CD300C: variants seen among roughly 807,000 people sequenced by gnomAD.
CD300C encodes CD300c molecule.
In CD300C, 11 loss-of-function variants were observed where a neutral mutation model predicts 18.4. The observed-to-expected ratio is 0.60, with a 90% CI of 0.38 to 0.99. CD300C has a LOEUF of 0.99. Ranked by LOEUF, CD300C falls within the 50% of genes least tolerant of loss-of-function variation. The pLI, the probability that CD300C is intolerant of heterozygous loss-of-function variation, is 0.01. For synonymous variants in CD300C, 116 were observed against 116.3 expected (o/e 1.00, Z 0.02); for missense variants, 277 against 287.4 (o/e 0.96, Z 0.26).
chr17:74,545,878 T>C lies in CD300C; in HGVS notation c.-96A>G, dbSNP rs1174219820. ...CAGATCTGAGCTTCGCTTCTGCTTT[T>C]CTTCTGCTCTCTGCTTCCTTGTCCA... On this transcript the variant is annotated 5_prime_UTR_variant, in exon 1 of 4. Coordinates refer to ENST00000330793, the MANE Select transcript of CD300C (RefSeq NM_006678.5). 9 of 986,550 alleles carry C rather than the reference T, an allele frequency of 9.1e-6. No individual in the cohort carries two copies. Among genetic ancestry groups the C allele is most frequent in the Non-Finnish European group, 1.4e-5 (9 of 644,992 alleles). 61.1% of individuals were successfully genotyped at this position (986,550 alleles called of 1,614,324 possible).
intron 3 of CD300C, among the ~76,000 whole-genome samples, chr17:74,542,184 T>C (rs183633192): frequency 6.6e-6 from 1 of 152,284 alleles, no homozygotes; most frequent in Non-Finnish European, 1.5e-5. Flanking sequence ...TAATCTGCCC[T>C]ACAACTTCAG....
chr17:74,545,544 G>C (rs1429257172), intron 1 of CD300C, among the ~76,000 whole-genome samples, 178 bp downstream of exon 1: 1 of 152,144 alleles, frequency 6.6e-6, no homozygotes, highest in Non-Finnish European at 1.5e-5. Context: ...CCCGTGCTGT[G>C]CCCTGCCGCC....
In CD300C at chr17:74,544,947, C is replaced by T. The variant is rs1908702434; in HGVS notation, c.62G>A (p.Gly21Asp). ...SSALLLLLVP[G>D]YFPLSHPMTV... The stretch of plus-strand genomic sequence containing the variant: ...CATGGGGTGGCTCAGAGGAAAATAG[C>T]CTGAAAAATACAAGCCAAAATCCTG... Residue 21 changes from glycine (G) to aspartate (D), a missense_variant and splice_region_variant, in exon 2 of 4, where the codon GGC (glycine) becomes GAC (aspartate). Coordinates refer to ENST00000330793, the MANE Select transcript of CD300C (RefSeq NM_006678.5). The T allele has an allele frequency of 1.2e-6, 2 of 1,604,312 alleles. No individual in the cohort carries two copies. Among genetic ancestry groups the T allele is most frequent in the East Asian group, 4.5e-5 (2 of 44,812 alleles).
chr17:74,545,102 C>T (rs1386408529), intron 1 of CD300C, among the ~76,000 whole-genome samples, 155 bp from the exon 2 acceptor site: 2 of 152,192 alleles, frequency 1.3e-5, no homozygotes, highest in African/African-American at 4.8e-5. Flanking sequence ...GGGTGGGAGG[C>T]TCCCTCTGTG....
At chr17:74,544,491 A>G (rs1399791107) in intron 2 of CD300C, 118 bp downstream of exon 2, 8 of 1,045,920 alleles carry the variant, frequency 7.6e-6, no homozygotes, top group Admixed American at 5.1e-5. Flanking sequence ...AGCGGCACAC[A>G]GTGTCCTGAC....
At chr17:74,538,016 G>A (rs1908432688), downstream of CD300C, among the ~76,000 whole-genome samples, 1 of 152,152 alleles carries the variant, frequency 6.6e-6, no homozygotes, top group African/African-American at 2.4e-5. Flanking sequence ...AAGCGGTTTG[G>A]GGCTTCATGA....
Position 74,545,884 on chromosome 17 carries a change from G to C in CD300C, c.-102C>G. The C allele has an allele frequency of 1.0e-6, 1 of 974,260 alleles. No individual in the cohort carries two copies. Among genetic ancestry groups the C allele is most frequent in the Non-Finnish European group, 1.6e-6 (1 of 635,248 alleles). The allele number at this position is 974,260 out of a possible 1,614,324, so 60.4% of individuals were successfully genotyped here. Reference sequence around the variant, plus strand: ...TGAGCTTCGCTTCTGCTTTTCTTCTGCTCTCTGCTTCCTTGTCCAGCCCTG... The same window carrying C: ...TGAGCTTCGCTTCTGCTTTTCTTCTCCTCTCTGCTTCCTTGTCCAGCCCTG... On this transcript the variant is annotated 5_prime_UTR_variant, in exon 1 of 4. Coordinates refer to ENST00000330793, the MANE Select transcript of CD300C (RefSeq NM_006678.5).
intron 1 of CD300C, 142 bp from the exon 2 acceptor site, chr17:74,545,089 T>A: frequency 1.3e-6 from 1 of 753,312 alleles, no homozygotes; most frequent in African/African-American, 1.8e-5. Context: ...GAACAGGGAC[T>A]GAGGGTGGGA....
downstream of CD300C, among the ~76,000 whole-genome samples, chr17:74,537,652 G>T (rs1168660552): frequency 6.8e-6 from 1 of 147,250 alleles, no homozygotes; most frequent in Non-Finnish European, 1.5e-5. Context: ...AGTGTTGAAA[G>T]ATAAAGTCTG....
At chr17:74,534,703 C>G in the CD300C span, among the ~76,000 whole-genome samples, 1 of 152,192 alleles carries the variant, frequency 6.6e-6, no homozygotes, top group Non-Finnish European at 1.5e-5. Flanking sequence ...TCTCTGCACT[C>G]CAACCTGGGT....
chr17:74,544,624 C>A lies in CD300C; in HGVS notation c.385G>T (p.Val129Leu), dbSNP rs767674440. 1.7e-5 allele frequency: 27 copies of A among 1,612,082 alleles called. No individual in the cohort carries two copies. Among genetic ancestry groups the A allele is most frequent in the East Asian group, 2.2e-5 (1 of 44,794 alleles). The change falls in exon 2 of 4, where the codon GTG becomes TTG. Residue 129 changes from valine (V) to leucine (L), a missense_variant. Transcript: ENST00000330793. ...DFHDPIVEVE[V>L]SVFPAGTTTA... ...AGGGGCTCACCCGGGAACACGGACA[C>A]CTCAACCTCGACAATGGGATCATGA... is the stretch of plus-strand genomic sequence containing the variant.
chr17:74,537,195 TAAG>T (rs775849435), downstream of CD300C, among the ~76,000 whole-genome samples: 3 of 150,388 alleles, frequency 2.0e-5, no homozygotes, highest in African/African-American at 4.9e-5. Context: ...AGGAGGAAAA[TAAG>T]AAGAGCACAA....
chr17:74,545,268 CTG>C (rs886535419), intron 1 of CD300C, among the ~76,000 whole-genome samples: 3 of 148,278 alleles, frequency 2.0e-5, no homozygotes, highest in East Asian at 2.0e-4. Flanking sequence ...CTGTGTGTGA[CTG>C]TGTGTGCATG....
chr17:74,541,852 C>A, intron 3 of CD300C, 116 bp from the exon 4 acceptor site: 2 of 1,076,070 alleles, frequency 1.9e-6, no homozygotes, highest in Non-Finnish European at 2.7e-6. Flanking sequence ...CACATAAGCA[C>A]CCCCCTGGAC....
At chr17:74,537,868 C>T (rs1439164370), downstream of CD300C, among the ~76,000 whole-genome samples, 3 of 151,972 alleles carry the variant, frequency 2.0e-5, no homozygotes, top group East Asian at 3.9e-4. Flanking sequence ...GAGACAGGAC[C>T]AAGGCTTGAG....
chr17:74,537,515 G>T (rs1257553532), downstream of CD300C, among the ~76,000 whole-genome samples: 1 of 151,922 alleles, frequency 6.6e-6, no homozygotes, highest in Non-Finnish European at 1.5e-5. Context: ...TGTAGTCCCA[G>T]CTACTCAGGA....
chr17:74,539,902 A>G (rs1908490544), downstream of CD300C, among the ~76,000 whole-genome samples: 1 of 152,170 alleles, frequency 6.6e-6, no homozygotes, highest in Non-Finnish European at 1.5e-5. Flanking sequence ...TCTTGTCCTG[A>G]TCACAGCTGT....
intron 3 of CD300C, 120 bp downstream of exon 3, chr17:74,542,741 G>A (rs753852298): frequency 2.8e-5 from 34 of 1,207,662 alleles, no homozygotes; most frequent in Middle Eastern, 5.8e-4. Flanking sequence ...GAACCTTCAC[G>A]TTTGGTGTGG....
chr17:74,539,015 C>G (rs1908460912), downstream of CD300C, among the ~76,000 whole-genome samples: 1 of 152,196 alleles, frequency 6.6e-6, no homozygotes, highest in Admixed American at 6.5e-5. Flanking sequence ...CTCAGGGTGT[C>G]TTTACCCTGG....
Sources: gnomAD v4.1 joint callset for allele counts (sites outside exome capture counted in the v4.1 genomes callset) on GRCh38, gnomAD v4.1.1 for gene constraint, MANE v1.5 for transcripts, NCBI Gene and HGNC (gene_info 2026-07-23, HGNC 2026-07-21) for gene names.